The following GLYATL3 variants were observed in gnomAD, a reference collection of about 807,000 sequenced individuals.
GLYATL3 encodes the protein glycine N-acyltransferase-like protein 3.
Under a neutral mutation model 28.5 loss-of-function variants are expected in GLYATL3, and 31 were observed. That is an observed-to-expected ratio of 1.09 (90% CI 0.82 to 1.47). The LOEUF is 1.47. GLYATL3 is among the 40% of genes most tolerant of loss of function. The pLI is 0.00. For missense variants in GLYATL3, 369 were observed against 351.5 expected (o/e 1.05, Z -0.40); for synonymous variants, 141 against 140.2 (o/e 1.01, Z -0.04).
At chr6:49,519,753 T>C (rs1211501418) in intron 4 of GLYATL3, among the ~76,000 whole-genome samples, 2 of 152,204 alleles carry the variant, frequency 1.3e-5, no homozygotes, top group Non-Finnish European at 2.9e-5. Context: ...ATTTTTAATC[T>C]GAGAGCCATT....
In GLYATL3 at chr6:49,527,003, C is replaced by T; in HGVS notation, c.*89C>T. 1 of 983,422 alleles carries T rather than the reference C, an allele frequency of 1.0e-6. No individual in the cohort carries two copies. Among genetic ancestry groups the T allele is most frequent in the Non-Finnish European group, 1.5e-6 (1 of 684,732 alleles). 60.9% of individuals were successfully genotyped at this position (983,422 alleles called of 1,614,324 possible). ...ACGAGGGGAGAGTTAAAATGGGAATCAGGGGACTCTTGAGTTGTTGGAAAG... is the reference window on the plus strand; with the variant it reads ...ACGAGGGGAGAGTTAAAATGGGAATTAGGGGACTCTTGAGTTGTTGGAAAG... On this transcript the variant is annotated 3_prime_UTR_variant, in exon 6 of 6. Coordinates refer to ENST00000371197, the MANE Select transcript of GLYATL3 (RefSeq NM_001010904.2).
rs1561976824 is a variant in GLYATL3 at position 49,509,954 on chromosome 6, CTTTCTTT to C, written c.-28-2008_-28-2002del. Among the ~76,000 whole-genome samples, 213 of 58,242 alleles carry C rather than the reference CTTTCTTT, an allele frequency of 3.7e-3. 2 individuals are homozygous for C. The highest frequency in any genetic ancestry group is 0.032 in the East Asian group (79 of 2,446). The allele number at this position is 58,242 out of a possible 152,430, so 38.2% of individuals were successfully genotyped here. The stretch of plus-strand genomic sequence containing the variant: ...TATTTTACGTATTTTCTTTCTCTTT[CTTTCTTT>C]CTTTCTTTCTTTCTTTCTTTCTTTC... On this transcript the variant is annotated intron_variant, in intron 1 of 5. Transcript: ENST00000371197.
intron 1 of GLYATL3, among the ~76,000 whole-genome samples, chr6:49,509,953 T>C (rs752223485): frequency 0.086 from 3,751 of 43,840 alleles, 80 homozygotes; most frequent in Non-Finnish European, 0.13. Context: ...TCTTTCTCTT[T>C]CTTTCTTTCT....
Position 49,526,864 on chromosome 6 carries a change from C to T in GLYATL3, c.817C>T (p.His273Tyr), listed in dbSNP as rs1204559504. Residue 273 changes from histidine to tyrosine, a missense_variant, in exon 6 of 6, where the codon CAC becomes TAC. Transcript: ENST00000371197. The part of the protein sequence containing the change: ...LHAEFLPCRF[H>Y]RLILTPATFS... ...TGCTGAGTTCTTGCCTTGTCGCTTC[C>T]ACAGGCTTATTCTCACCCCTGCGAC... 8 of 1,551,030 alleles carry T rather than the reference C, an allele frequency of 5.2e-6. No homozygotes were observed. The Admixed American group carries it at 7.9e-5, about 15-fold the overall frequency.
intron 1 of GLYATL3, among the ~76,000 whole-genome samples, chr6:49,502,513 A>C (rs1437707732): frequency 1.3e-5 from 2 of 152,236 alleles, no homozygotes; most frequent in Non-Finnish European, 2.9e-5. Context: ...AGAAAATCAG[A>C]AGTATTCCAA....
intron 1 of GLYATL3, among the ~76,000 whole-genome samples, chr6:49,500,415 C>T (rs746929946): frequency 8.5e-5 from 13 of 152,056 alleles, no homozygotes; most frequent in Non-Finnish European, 1.8e-4. Flanking sequence ...AATGTATTTC[C>T]TCATTAACAA....
At chr6:49,521,610 T>G in intron 4 of GLYATL3, 35 bp from the exon 5 acceptor site, 1 of 1,515,300 alleles carries the variant, frequency 6.6e-7, no homozygotes, top group South Asian at 1.3e-5. Flanking sequence ...TCAACTAAAA[T>G]GCCCACATAT....
chr6:49,520,574 T>A (rs4715134), intron 4 of GLYATL3, among the ~76,000 whole-genome samples: 70,742 of 151,988 alleles, frequency 0.47, 17,304 homozygotes, highest in East Asian at 0.62. Flanking sequence ...GCCTTACCAG[T>A]GGGGAAGAAA....
chr6:49,502,937 T>C (rs1768940628), intron 1 of GLYATL3, among the ~76,000 whole-genome samples: 1 of 152,174 alleles, frequency 6.6e-6, no homozygotes, highest in South Asian at 2.1e-4. Context: ...GATTAAAGGA[T>C]GAGTCAATCC....
intron 1 of GLYATL3, among the ~76,000 whole-genome samples, chr6:49,501,831 G>T (rs1211254479): frequency 6.6e-6 from 1 of 152,158 alleles, no homozygotes; most frequent in East Asian, 1.9e-4. Context: ...TATCCATATG[G>T]ACAGGCACCC....
At chr6:49,516,485 G>C (rs1468761080) in intron 3 of GLYATL3, among the ~76,000 whole-genome samples, 4 of 152,058 alleles carry the variant, frequency 2.6e-5, no homozygotes, top group Admixed American at 6.5e-5. Context: ...CCGAGACCAA[G>C]GAGAAGCTCA....
At position 49,503,954 on chromosome 6, in the gene GLYATL3, T is replaced by C. The variant is rs535760073; in HGVS notation, c.-29+3912T>C. On this transcript the variant is annotated intron_variant, in intron 1 of 5. Coordinates refer to ENST00000371197, the MANE Select transcript of GLYATL3 (RefSeq NM_001010904.2). ...TGAAGGTTGGGCAGGACAACGATCGTCTACAGAACCAGGCATCCAAATACT... is the reference window on the plus strand; with the variant it reads ...TGAAGGTTGGGCAGGACAACGATCGCCTACAGAACCAGGCATCCAAATACT... Among the ~76,000 whole-genome samples the C allele has an allele frequency of 3.3e-5, 5 of 152,324 alleles. No homozygotes were observed. The East Asian group carries it at 9.6e-4, about 29-fold the overall frequency.
At chr6:49,501,160 G>T (rs1189220212) in intron 1 of GLYATL3, among the ~76,000 whole-genome samples, 1 of 152,150 alleles carries the variant, frequency 6.6e-6, no homozygotes, top group African/African-American at 2.4e-5. Flanking sequence ...AGCACTTTGG[G>T]GGGCCAAGGC....
chr6:49,520,946 T>A (rs1467440084), intron 4 of GLYATL3, among the ~76,000 whole-genome samples: 1 of 151,950 alleles, frequency 6.6e-6, no homozygotes. Flanking sequence ...AGCCCAGGAG[T>A]TCATGGTTAT....
At chr6:49,510,049 T>TATTTATTTA (rs200522772) in intron 1 of GLYATL3, among the ~76,000 whole-genome samples, 1 of 150,298 alleles carries the variant, frequency 6.7e-6, no homozygotes, top group East Asian at 1.9e-4. Flanking sequence ...TTTATTTATT[T>TATTTATTTA]TTTTGACGGA....
chr6:49,511,386 TA>T (rs1328818302), intron 1 of GLYATL3, among the ~76,000 whole-genome samples: 1 of 152,180 alleles, frequency 6.6e-6, no homozygotes, highest in Non-Finnish European at 1.5e-5. Flanking sequence ...TCAATCTAGG[TA>T]TTTCTCTCCA....
chr6:49,501,724 C>A (rs1768916759), intron 1 of GLYATL3, among the ~76,000 whole-genome samples: 1 of 152,178 alleles, frequency 6.6e-6, no homozygotes, highest in African/African-American at 2.4e-5. Flanking sequence ...TGAAGCTAGA[C>A]AACTAGTTAG....
chr6:49,500,480 T>G (rs1002421961), intron 1 of GLYATL3, among the ~76,000 whole-genome samples: 2 of 152,204 alleles, frequency 1.3e-5, no homozygotes, highest in African/African-American at 4.8e-5. Flanking sequence ...AGAGATCTTA[T>G]GTTTTATTGC....
chr6:49,515,913 T>TCCCTCCCTCCCTCCCTC (rs1769207815), intron 3 of GLYATL3, among the ~76,000 whole-genome samples, 153 bp downstream of exon 3: 3 of 144,426 alleles, frequency 2.1e-5, no homozygotes, highest in African/African-American at 7.8e-5. Flanking sequence ...CTTCTTTCCT[T>TCCCTCCCTCCCTCCCTC]CCCTCCCTCC....
Sources: allele counts gnomAD v4.1 joint callset (sites outside exome capture counted in the v4.1 genomes callset), GRCh38; gene constraint gnomAD v4.1.1; transcripts MANE v1.5; gene names NCBI Gene and HGNC (gene_info 2026-07-23, HGNC 2026-07-21).